SYNJ2: variants seen among roughly 807,000 people sequenced by gnomAD.
SYNJ2 encodes the protein polyphosphatidylinositol phosphatase SYNJ2.
In SYNJ2, 116 loss-of-function variants were observed where a neutral mutation model predicts 141.3. The observed-to-expected ratio is 0.82, with a 90% CI of 0.71 to 0.96. The LOEUF (loss-of-function observed/expected upper bound fraction) is 0.96, where lower values mean the gene tolerates loss of function less well. Among genes scored for constraint, SYNJ2 ranks in the 40% least tolerant of loss-of-function variants. The pLI, the probability that SYNJ2 is intolerant of heterozygous loss-of-function variation, is 0.00. For missense variants in SYNJ2, 1,873 were observed against 1,934.8 expected (o/e 0.97, Z 0.60); for synonymous variants, 745 against 777.7 (o/e 0.96, Z 0.70).
chr6:158,070,426 C>T lies in SYNJ2; in HGVS notation c.1940+753C>T, dbSNP rs1175230626. 1 of 985,484 alleles carries T rather than the reference C, an allele frequency of 1.0e-6. No homozygotes were observed. The highest frequency in any genetic ancestry group is 1.2e-6 in the Non-Finnish European group (1 of 829,976). 61.0% of individuals were successfully genotyped at this position (985,484 alleles called of 1,614,324 possible). ...TGCTGCCCATAATCCTCTTCTCTGACTTTCAGAAGATGTTTAGGTCCCTGT... is the reference window on the plus strand; with the variant it reads ...TGCTGCCCATAATCCTCTTCTCTGATTTTCAGAAGATGTTTAGGTCCCTGT... On this transcript the variant is annotated intron_variant, in intron 14 of 26. Coordinates refer to ENST00000355585, the MANE Select transcript of SYNJ2 (RefSeq NM_003898.4). This position sits in a 1 kb window ranked among gnomAD's most constrained non-coding sequence, Gnocchi z 4.0.
chr6:158,062,945 A>C (rs1032347371), intron 8 of SYNJ2, among the ~76,000 whole-genome samples: 1 of 152,156 alleles, frequency 6.6e-6, no homozygotes, highest in East Asian at 1.9e-4. Context: ...GAAGGTGGTG[A>C]TGTGCTTTAT....
chr6:158,004,920 G>C (rs1166774022), intron 1 of SYNJ2, among the ~76,000 whole-genome samples: 1 of 151,892 alleles, frequency 6.6e-6, no homozygotes, highest in Non-Finnish European at 1.5e-5. Context: ...ATCCTTCGGA[G>C]GACCTTCGCC....
intron 1 of SYNJ2, among the ~76,000 whole-genome samples, chr6:157,985,913 T>G (rs1049298075): frequency 6.6e-6 from 1 of 152,194 alleles, no homozygotes; most frequent in African/African-American, 2.4e-5. Context: ...AAAGGTTCTG[T>G]GTAAACACCA....
intron 1 of SYNJ2, among the ~76,000 whole-genome samples, chr6:158,015,593 G>T (rs753997877): frequency 6.6e-6 from 1 of 152,172 alleles, no homozygotes; most frequent in Non-Finnish European, 1.5e-5. Flanking sequence ...TGGGTTAGCC[G>T]TATCTCTGAC....
chr6:158,063,283 C>G (rs1781336197), intron 8 of SYNJ2, among the ~76,000 whole-genome samples: 1 of 151,940 alleles, frequency 6.6e-6, no homozygotes, highest in Non-Finnish European at 1.5e-5. Flanking sequence ...AGTGTGTGTC[C>G]TGGGGTCTGC....
At chr6:158,013,970 G>A (rs1259556972) in intron 1 of SYNJ2, among the ~76,000 whole-genome samples, 3 of 152,210 alleles carry the variant, frequency 2.0e-5, no homozygotes, top group African/African-American at 4.8e-5. Context: ...AATCAACACT[G>A]TACAGATGAT....
At chr6:158,062,573 TA>T (rs1452023350) in intron 8 of SYNJ2, among the ~76,000 whole-genome samples, 2 of 151,928 alleles carry the variant, frequency 1.3e-5, no homozygotes, top group African/African-American at 4.8e-5. Flanking sequence ...GGCATAGACT[TA>T]GATTGCTAGA....
chr6:158,076,605 G>A lies in SYNJ2; in HGVS notation c.2293-21G>A, dbSNP rs1163508170. 3 of 1,605,696 alleles carry A rather than the reference G, an allele frequency of 1.9e-6. No homozygotes were observed. The Admixed American group carries it at 5.1e-5, about 27-fold the overall frequency. On this transcript the variant is annotated intron_variant, in intron 16 of 26. Coordinates refer to ENST00000355585, the MANE Select transcript of SYNJ2 (RefSeq NM_003898.4). ...GGATCGAAAACTACGGTGGCCTGAT[G>A]ACTTCTTTTTCTCCCAATAGATTTT...
At chr6:158,020,609 A>G (rs1476743532) in intron 2 of SYNJ2, among the ~76,000 whole-genome samples, 3 of 152,184 alleles carry the variant, frequency 2.0e-5, no homozygotes, top group Non-Finnish European at 4.4e-5. Context: ...GTGTGACTCC[A>G]GTTGTGTGAC....
upstream of SYNJ2, chr6:157,981,846 G>GAGCGGCGGC: frequency 1.1e-6 from 1 of 938,868 alleles, no homozygotes; most frequent in Non-Finnish European, 1.4e-6. This position sits in a 1 kb window ranked among gnomAD's most constrained non-coding sequence, Gnocchi z 6.4. Context: ...GGCGCGGCGG[G>GAGCGGCGGC]AGCGGCGGCG....
chr6:158,051,519 C>T (rs565700634), intron 5 of SYNJ2, among the ~76,000 whole-genome samples: 1 of 152,088 alleles, frequency 6.6e-6, no homozygotes, highest in East Asian at 1.9e-4. Context: ...AAAAAAACCC[C>T]ACAGGTTTGG....
At chr6:158,087,096 TC>T in intron 23 of SYNJ2, 107 bp downstream of exon 23, 1 of 1,336,556 alleles carries the variant, frequency 7.5e-7, no homozygotes, top group Non-Finnish European at 1.0e-6. Flanking sequence ...GGCCTTCCGG[TC>T]CCCACAGGGC....
chr6:158,010,720 G>T (rs760250337), intron 1 of SYNJ2, among the ~76,000 whole-genome samples: 1 of 152,206 alleles, frequency 6.6e-6, no homozygotes, highest in African/African-American at 2.4e-5. Context: ...CTGGAGTAGG[G>T]TGGGCCCTTA....
chr6:158,019,181 T>C (rs918484649), intron 2 of SYNJ2, among the ~76,000 whole-genome samples: 2 of 152,222 alleles, frequency 1.3e-5, no homozygotes, highest in African/African-American at 4.8e-5. Flanking sequence ...TTTTGGTCCT[T>C]ACATGAATGA....
intron 12 of SYNJ2, chr6:158,067,547 G>A: frequency 1.0e-6 from 1 of 985,440 alleles, no homozygotes; most frequent in Non-Finnish European, 1.2e-6. Flanking sequence ...GTTGACTCGG[G>A]CCTTGGTTTT....
chr6:158,088,691 T>A lies in SYNJ2; in HGVS notation c.3375T>A (p.Asp1125Glu). Residue 1125 changes from aspartate to glutamate, a missense_variant, in exon 24 of 27, where the codon GAT becomes GAA. Coordinates refer to ENST00000355585, the MANE Select transcript of SYNJ2 (RefSeq NM_003898.4). Reference protein sequence around the residue: ...TGLMVKKSASDASISSGTHGQ... With the variant: ...TGLMVKKSASEASISSGTHGQ... ...TAATGGTGAAAAAGTCGGCTTCAGA[T>A]GCGTCCATCTCCTCCGGCACCCATG... 6.2e-7 allele frequency: 1 copy of A among 1,614,128 alleles called. No individual in the cohort carries two copies. Among genetic ancestry groups the A allele is most frequent in the Non-Finnish European group, 8.5e-7 (1 of 1,180,008 alleles).
In SYNJ2 at chr6:158,028,426, TG is replaced by T. The variant is rs1583349669; in HGVS notation, c.215-325del. 3 of 359,950 alleles carry T rather than the reference TG, an allele frequency of 8.3e-6. No individual in the cohort carries two copies. In the East Asian group the frequency reaches 1.8e-4, roughly 22 times the overall value. The allele number at this position is 359,950 out of a possible 1,614,324, so 22.3% of individuals were successfully genotyped here. ...TCTAGGCCAGGAATTTTCAGACTCC[TG>T]GGGGCATCAGAATCACCTGGAGGGC... On this transcript the variant is annotated intron_variant, in intron 2 of 26. Transcript: ENST00000355585.
chr6:158,066,694 G>T (rs764257022), intron 12 of SYNJ2, 59 bp downstream of exon 12: 1 of 1,569,896 alleles, frequency 6.4e-7, no homozygotes, highest in African/African-American at 1.4e-5. Flanking sequence ...GACATGTCAC[G>T]CTTGACCCTT....
At chr6:158,039,631 C>T (rs1779828747) in intron 4 of SYNJ2, among the ~76,000 whole-genome samples, 4 of 152,186 alleles carry the variant, frequency 2.6e-5, no homozygotes, top group Non-Finnish European at 4.4e-5. Context: ...GACTGTCTGG[C>T]GCTTCTGGAG....
Sources: gnomAD v4.1 joint callset for allele counts (sites outside exome capture counted in the v4.1 genomes callset) on GRCh38, gnomAD v4.1.1 for gene constraint, Gnocchi (gnomAD v3.1) non-coding constraint, MANE v1.5 for transcripts, NCBI Gene and HGNC (gene_info 2026-07-23, HGNC 2026-07-21) for gene names.